NYAP2: variants seen among roughly 807,000 people sequenced by gnomAD.
NYAP2 encodes neuronal tyrosine-phosphorylated phosphoinositide-3-kinase adapter 2.
A neutral mutation model predicts 50.4 loss-of-function variants in NYAP2; 23 were observed. That is an observed-to-expected ratio of 0.46 (90% CI 0.33 to 0.65). The LOEUF (loss-of-function observed/expected upper bound fraction) is 0.65. Among genes scored for constraint, NYAP2 ranks in the 30% least tolerant of loss-of-function variants. NYAP2 has a pLI of 0.02. For missense variants in NYAP2, 885 were observed against 861.0 expected, an observed-to-expected ratio of 1.03 and a Z score of -0.35; for synonymous variants, 394 against 365.2, an observed-to-expected ratio of 1.08 and a Z score of -0.90.
At chr2:225,700,653 T>A in the NYAP2 span, 1 of 151,812 alleles carries the variant, frequency 6.6e-6, no homozygotes, top group Non-Finnish European at 1.5e-5. Flanking sequence ...AGCCTATCAG[T>A]CAGACACAAG....
At chr2:225,628,326 T>G (rs923881243) in intron 6 of NYAP2, among the ~76,000 whole-genome samples, 3 of 146,736 alleles carry the variant, frequency 2.0e-5, no homozygotes, top group South Asian at 2.2e-4. Context: ...TTTTTTTTTT[T>G]TTTTTTTTTT....
intron 4 of NYAP2, among the ~76,000 whole-genome samples, chr2:225,575,661 C>T (rs1692157720): frequency 1.3e-5 from 2 of 152,114 alleles, no homozygotes. Context: ...GACTTAGTGG[C>T]TTGTTTTCTT....
At chr2:225,558,168 G>A (rs1299266280) in intron 4 of NYAP2, among the ~76,000 whole-genome samples, 5 of 152,144 alleles carry the variant, frequency 3.3e-5, no homozygotes, top group Admixed American at 1.3e-4. Context: ...AGCCATGGAT[G>A]TAATAAAGTG....
intron 3 of NYAP2, among the ~76,000 whole-genome samples, chr2:225,504,068 G>GAAGGAATTGA (rs1690656905): frequency 6.6e-6 from 1 of 152,148 alleles, no homozygotes; most frequent in African/African-American, 2.4e-5. Flanking sequence ...ACAGAGTTAG[G>GAAGGAATTGA]TAAGTCAGGA....
intron 5 of NYAP2, among the ~76,000 whole-genome samples, chr2:225,600,900 G>T (rs1194678944): frequency 6.6e-6 from 1 of 152,086 alleles, no homozygotes; most frequent in African/African-American, 2.4e-5. Context: ...ACTTTTTTAA[G>T]GCGGAATAAT....
At chr2:225,703,192 TG>T in the NYAP2 span, 2 of 151,712 alleles carry the variant, frequency 1.3e-5, no homozygotes, top group Non-Finnish European at 3.0e-5. Flanking sequence ...TATGAGAAGA[TG>T]ATATAAAAAT....
intron 3 of NYAP2, among the ~76,000 whole-genome samples, chr2:225,411,532 C>T (rs1000834252): frequency 2.0e-5 from 3 of 151,702 alleles, no homozygotes; most frequent in South Asian, 2.1e-4. Context: ...AATTCCAAGC[C>T]GAAGGTACAA....
At chr2:225,418,327 A>G (rs868552389) in intron 3 of NYAP2, among the ~76,000 whole-genome samples, 1 of 152,172 alleles carries the variant, frequency 6.6e-6, no homozygotes, top group East Asian at 1.9e-4. Context: ...TTGTGAGGAC[A>G]TGGAGGTTAC....
exon 7 of NYAP2, chr2:225,653,156 T>C (rs890045235): frequency 1.3e-5 from 2 of 152,196 alleles, no homozygotes; most frequent in Non-Finnish European, 2.9e-5. Flanking sequence ...ATTTAAAGCT[T>C]AAAAACATTG....
chr2:225,689,896 A>C, the NYAP2 span, among the ~76,000 whole-genome samples: 2 of 152,134 alleles, frequency 1.3e-5, no homozygotes, highest in South Asian at 4.1e-4. Context: ...CATGTTATTC[A>C]AGAAAGCCAG....
chr2:225,604,380 C>T (rs757154728), intron 5 of NYAP2, among the ~76,000 whole-genome samples: 5 of 152,124 alleles, frequency 3.3e-5, no homozygotes, highest in African/African-American at 4.8e-5. Context: ...TCATGCGTTA[C>T]AGCTGGGGCT....
chr2:225,476,878 AATTT>A (rs1365892296), intron 3 of NYAP2, among the ~76,000 whole-genome samples: 2 of 152,198 alleles, frequency 1.3e-5, no homozygotes, highest in East Asian at 1.9e-4. Flanking sequence ...TTTTTAATAT[AATTT>A]ATTTAATTGT....
At chr2:225,564,957 C>T (rs1323389854) in intron 4 of NYAP2, among the ~76,000 whole-genome samples, 3 of 151,904 alleles carry the variant, frequency 2.0e-5, no homozygotes, top group Non-Finnish European at 4.4e-5. Flanking sequence ...TGGTGAAACC[C>T]CATCTCTACT....
intron 3 of NYAP2, among the ~76,000 whole-genome samples, chr2:225,502,145 T>C (rs1690618678): frequency 6.6e-6 from 1 of 152,176 alleles, no homozygotes; most frequent in Non-Finnish European, 1.5e-5. Flanking sequence ...CAAATCTGCA[T>C]TTAGAAGGAT....
chr2:225,539,107 G>C (rs577718327), intron 4 of NYAP2, among the ~76,000 whole-genome samples: 2 of 152,058 alleles, frequency 1.3e-5, no homozygotes, highest in East Asian at 3.9e-4. Context: ...TTAGTTTTCT[G>C]TTCCTGTGTT....
At chr2:225,433,691 C>A (rs1234268022) in intron 3 of NYAP2, among the ~76,000 whole-genome samples, 1 of 151,520 alleles carries the variant, frequency 6.6e-6, no homozygotes, top group Non-Finnish European at 1.5e-5. Flanking sequence ...ATGGCGGGCG[C>A]CTGTAGTCCC....
intron 3 of NYAP2, among the ~76,000 whole-genome samples, chr2:225,449,193 A>G (rs575397511): frequency 7.2e-5 from 11 of 152,362 alleles, no homozygotes; most frequent in Admixed American, 3.3e-4. Flanking sequence ...GCTTCGCAGC[A>G]TAATATTAGG....
At chr2:225,531,005 G>C (rs1433377575) in intron 4 of NYAP2, among the ~76,000 whole-genome samples, 1 of 152,142 alleles carries the variant, frequency 6.6e-6, no homozygotes, top group Non-Finnish European at 1.5e-5. Flanking sequence ...TTTCCTGCAG[G>C]TTCACTTTCA....
chr2:225,614,950 A>G (rs954592168), intron 5 of NYAP2, among the ~76,000 whole-genome samples: 1 of 152,212 alleles, frequency 6.6e-6, no homozygotes, highest in African/African-American at 2.4e-5. Context: ...TCAGTGAAAG[A>G]TGGGCTACTC....
Sources: allele counts gnomAD v4.1 joint callset (sites outside exome capture counted in the v4.1 genomes callset), GRCh38; gene constraint gnomAD v4.1.1; transcripts MANE v1.5; gene names NCBI Gene and HGNC (gene_info 2026-07-23, HGNC 2026-07-21).